IQCH: variants seen among roughly 807,000 people sequenced by gnomAD.
IQCH encodes IQ motif containing H.
Under a neutral mutation model 117.0 loss-of-function variants are expected in IQCH, and 98 were observed. The ratio of observed to expected loss-of-function variants is 0.84; its 90% CI spans 0.71 to 0.99. IQCH has a LOEUF of 0.99. Among genes scored for constraint, IQCH ranks in the 50% least tolerant of loss-of-function variants. The pLI is 0.00. For synonymous variants in IQCH, 412 were observed against 448.2 expected, an observed-to-expected ratio of 0.92 and a Z score of 1.02; for missense variants, 1,102 against 1,243.8, an observed-to-expected ratio of 0.89 and a Z score of 1.72.
rs1458040531 is a variant in IQCH, at chr15:67,475,255, T to A, written c.2677-441T>A. Among the ~76,000 whole-genome samples the A allele has an allele frequency of 6.6e-6, 1 of 152,190 alleles. No individual in the cohort carries two copies. The highest frequency in any genetic ancestry group is 6.5e-5 in the Admixed American group (1 of 15,288). On this transcript the variant is annotated intron_variant, in intron 17 of 20. Coordinates refer to ENST00000335894, the MANE Select transcript of IQCH (RefSeq NM_001031715.3). This position sits in a 1 kb window ranked among gnomAD's most constrained non-coding sequence, Gnocchi z 5.7. Reference sequence around the variant, plus strand: ...ATTTTGGGAGGCCGAGGCTGGCAGATCGCTTGAGCTAGGAGTTCAAGACCA... The same window carrying A: ...ATTTTGGGAGGCCGAGGCTGGCAGAACGCTTGAGCTAGGAGTTCAAGACCA...
At chr15:67,272,943 C>T (rs1427259955) in intron 3 of IQCH, among the ~76,000 whole-genome samples, 1 of 152,126 alleles carries the variant, frequency 6.6e-6, no homozygotes, top group African/African-American at 2.4e-5. Flanking sequence ...AAAGACTTAC[C>T]ATTTTTATTG....
chr15:67,338,205 G>GCCTA (rs1968979281), intron 5 of IQCH, among the ~76,000 whole-genome samples: 3 of 105,524 alleles, frequency 2.8e-5, no homozygotes, highest in Admixed American at 2.7e-4. Flanking sequence ...ATATCTGTCT[G>GCCTA]TCTATCTATC....
chr15:67,338,636 T>G (rs1969010299), intron 5 of IQCH, among the ~76,000 whole-genome samples: 1 of 152,162 alleles, frequency 6.6e-6, no homozygotes, highest in Non-Finnish European at 1.5e-5. Flanking sequence ...AAAAATGAAC[T>G]TCAAACTTTC....
At chr15:67,284,185 CT>C (rs1463057235) in intron 4 of IQCH, among the ~76,000 whole-genome samples, 1 of 152,072 alleles carries the variant, frequency 6.6e-6, no homozygotes, top group Non-Finnish European at 1.5e-5. Flanking sequence ...CCACTTCCCC[CT>C]AACCCACACT....
rs2081883628 is a variant in IQCH at position 67,426,099 on chromosome 15, C to T, written c.2505+4522C>T. ...CCAGGCTCATTTTCTATTTTCCTTG[C>T]CCTGGACCTAGGATCGACTCAGAAG... On this transcript the variant is annotated intron_variant, in intron 16 of 20. Coordinates refer to ENST00000335894, the MANE Select transcript of IQCH (RefSeq NM_001031715.3). This position sits in a 1 kb window ranked among gnomAD's most constrained non-coding sequence, Gnocchi z 5.1. Among the ~76,000 whole-genome samples the T allele has an allele frequency of 6.6e-6, 1 of 152,136 alleles. No individual in the cohort carries two copies. Among genetic ancestry groups the T allele is most frequent in the Non-Finnish European group, 1.5e-5 (1 of 68,034 alleles).
intron 7 of IQCH, among the ~76,000 whole-genome samples, chr15:67,358,095 G>A (rs1367499855): frequency 1.3e-5 from 2 of 148,478 alleles, no homozygotes; most frequent in Non-Finnish European, 3.0e-5. Flanking sequence ...CTGACCTCAA[G>A]TGACCCACCT....
chr15:67,380,183 C>G (rs1465186337), intron 10 of IQCH, among the ~76,000 whole-genome samples: 1 of 152,144 alleles, frequency 6.6e-6, no homozygotes, highest in East Asian at 1.9e-4. Flanking sequence ...TGAAAATGTA[C>G]TAATACAACT....
rs111778626 is a variant in IQCH at position 67,490,864 on chromosome 15, A to G, written c.2861+800A>G. The stretch of plus-strand genomic sequence containing the variant: ...GCTGGCAACACTCGGAGGCTTCCGC[A>G]CTTCTCCCAGATTTCCCTCTGGGAT... On this transcript the variant is annotated intron_variant, in intron 19 of 20. Coordinates refer to ENST00000335894, the MANE Select transcript of IQCH (RefSeq NM_001031715.3). The surrounding 1 kb of genome is among the most constrained non-coding windows in gnomAD (Gnocchi z 4.9). 8.0e-3 allele frequency among the ~76,000 whole-genome samples: 1,219 copies of G among 152,328 alleles called. 16 individuals are homozygous for G. Among genetic ancestry groups the G allele is most frequent in the African/African-American group, 0.026 (1,078 of 41,572 alleles).
In IQCH at chr15:67,405,870, C is replaced by T. The variant is rs1971877928; in HGVS notation, c.2097+5565C>T. The T allele has an allele frequency of 6.6e-6, 1 of 152,224 alleles. No individual in the cohort carries two copies. The highest frequency in any genetic ancestry group is 1.5e-5 in the Non-Finnish European group (1 of 68,060). 9.4% of individuals were successfully genotyped at this position (152,224 alleles called of 1,614,324 possible). A position where few individuals can be genotyped will look rare whatever the true frequency, so the allele number is the denominator to read the frequency against. ...CACAGAGGCCACTGCTCTCAAATTTCTTCCCTTTCCTAGATAACAGAAGAG... is the reference window on the plus strand; with the variant it reads ...CACAGAGGCCACTGCTCTCAAATTTTTTCCCTTTCCTAGATAACAGAAGAG... On this transcript the variant is annotated intron_variant, in intron 14 of 20. Coordinates refer to ENST00000335894, the MANE Select transcript of IQCH (RefSeq NM_001031715.3). This position sits in a 1 kb window ranked among gnomAD's most constrained non-coding sequence, Gnocchi z 4.8.
chr15:67,461,037 T>C (rs1362303989), intron 16 of IQCH, among the ~76,000 whole-genome samples: 1 of 152,180 alleles, frequency 6.6e-6, no homozygotes, highest in Non-Finnish European at 1.5e-5. Context: ...TACCTAGTGC[T>C]GAGAGATTAG....
chr15:67,421,268 C>G, intron 15 of IQCH, 23 bp from the exon 16 acceptor site: 2 of 1,603,496 alleles, frequency 1.2e-6, no homozygotes, highest in South Asian at 1.1e-5. Context: ...GTCCTTTCAC[C>G]TACTCCATGT....
intron 1 of IQCH, chr15:67,255,237 G>A: frequency 2.0e-6 from 1 of 495,046 alleles, no homozygotes; most frequent in African/African-American, 1.9e-5. Flanking sequence ...CTCACGCTGA[G>A]GCATCATTTT....
At chr15:67,394,045 G>C (rs1971375963) in intron 12 of IQCH, among the ~76,000 whole-genome samples, 1 of 152,094 alleles carries the variant, frequency 6.6e-6, no homozygotes, top group South Asian at 2.1e-4. Flanking sequence ...TGATAGAGCT[G>C]AATTCAAAGC....
chr15:67,316,801 G>A (rs546628932), intron 4 of IQCH, among the ~76,000 whole-genome samples: 3 of 152,080 alleles, frequency 2.0e-5, no homozygotes, highest in Non-Finnish European at 2.9e-5. Context: ...TCAACCAGTC[G>A]GACTTTCAAC....
At chr15:67,444,219 C>T (rs946381896) in intron 16 of IQCH, among the ~76,000 whole-genome samples, 5 of 152,144 alleles carry the variant, frequency 3.3e-5, no homozygotes, top group African/African-American at 2.4e-5. Context: ...TCCTTGTGCT[C>T]AGCACATAAG....
intron 3 of IQCH, 144 bp downstream of exon 3, chr15:67,263,360 A>T: frequency 1.7e-6 from 1 of 597,932 alleles, no homozygotes. Flanking sequence ...GAGATTTTGC[A>T]TAAGAAGTTA....
chr15:67,392,714 C>T (rs1439036144), intron 12 of IQCH, among the ~76,000 whole-genome samples: 1 of 145,858 alleles, frequency 6.9e-6, no homozygotes, highest in Non-Finnish European at 1.5e-5. Flanking sequence ...GAGGTCAAGG[C>T]TGCAGGGAGC....
At chr15:67,257,637 A>G (rs910398585) in intron 1 of IQCH, among the ~76,000 whole-genome samples, 10 of 152,236 alleles carry the variant, frequency 6.6e-5, no homozygotes, top group Non-Finnish European at 1.0e-4. Context: ...GAAGTTTCCA[A>G]TCATGCTTTG....
chr15:67,465,225 C>A lies in IQCH; in HGVS notation c.2604C>A (p.Ser868Arg). The A allele has an allele frequency of 6.2e-7, 1 of 1,614,116 alleles. No homozygotes were observed. The highest frequency in any genetic ancestry group is 8.5e-7 in the Non-Finnish European group (1 of 1,180,018). ...LTNGHLDCSL[S>R]TLEVPRFVPK... ...ACGGCCATCTGGATTGCAGTTTGAG[C>A]ACCCTGGAAGTGCCCCGCTTTGTTC... is the stretch of plus-strand genomic sequence containing the variant. Residue 868 changes from serine to arginine, a missense_variant, in exon 17 of 21, where the codon AGC becomes AGA. By Grantham distance (110) the Ser-to-Arg change is moderately radical. Coordinates refer to ENST00000335894, the MANE Select transcript of IQCH (RefSeq NM_001031715.3). This position sits in a 1 kb window ranked among gnomAD's most constrained non-coding sequence, Gnocchi z 5.9.
Sources: gnomAD v4.1 joint callset for allele counts (sites outside exome capture counted in the v4.1 genomes callset) on GRCh38, gnomAD v4.1.1 for gene constraint, Gnocchi (gnomAD v3.1) non-coding constraint, MANE v1.5 for transcripts, NCBI Gene and HGNC (gene_info 2026-07-23, HGNC 2026-07-21) for gene names.